GPC5: variants seen among roughly 807,000 people sequenced by gnomAD.
GPC5 encodes the protein glypican-5.
In GPC5, 47 loss-of-function variants were observed where a neutral mutation model predicts 53.9. That is an observed-to-expected ratio of 0.87 (90% CI 0.69 to 1.11). The LOEUF (loss-of-function observed/expected upper bound fraction) is 1.11. Ranked by LOEUF, GPC5 falls within the 50% of genes most tolerant of loss-of-function variation. The pLI is 0.00. For synonymous variants in GPC5, 286 were observed against 263.3 expected, an observed-to-expected ratio of 1.09 and a Z score of -0.84; for missense variants, 748 against 713.1, an observed-to-expected ratio of 1.05 and a Z score of -0.56.
intron 7 of GPC5, among the ~76,000 whole-genome samples, chr13:92,556,490 C>G (rs1323999211): frequency 2.6e-5 from 4 of 151,454 alleles, no homozygotes; most frequent in African/African-American, 9.7e-5. Context: ...TTATTAATAT[C>G]CATGATGTGA....
chr13:92,192,832 CT>C (rs1434780585), intron 7 of GPC5, among the ~76,000 whole-genome samples: 3 of 152,068 alleles, frequency 2.0e-5, no homozygotes, highest in Non-Finnish European at 4.4e-5. Flanking sequence ...TTCATTATTA[CT>C]TTTTTTAAAA....
At chr13:92,286,057 C>A (rs1259399194) in intron 7 of GPC5, among the ~76,000 whole-genome samples, 1 of 151,714 alleles carries the variant, frequency 6.6e-6, no homozygotes, top group Non-Finnish European at 1.5e-5. Context: ...AAAAAAGCAA[C>A]CCCAACAAGT....
intron 3 of GPC5, among the ~76,000 whole-genome samples, chr13:91,724,712 C>T (rs1437877944): frequency 1.3e-5 from 2 of 151,900 alleles, no homozygotes; most frequent in East Asian, 1.9e-4. Flanking sequence ...AAAAAATAAG[C>T]CAGGCATGGT....
chr13:92,287,334 G>A (rs9561003), intron 7 of GPC5, among the ~76,000 whole-genome samples: 44,929 of 151,930 alleles, frequency 0.3, 7,038 homozygotes, highest in South Asian at 0.39. Context: ...TTCATTTTGT[G>A]GTTGTTCTGT....
At chr13:92,552,425 T>C (rs1294110993) in intron 7 of GPC5, among the ~76,000 whole-genome samples, 1 of 151,912 alleles carries the variant, frequency 6.6e-6, no homozygotes, top group African/African-American at 2.4e-5. Flanking sequence ...GAAGAGTCAA[T>C]TTTATATTTG....
chr13:92,560,857 A>ATGTGTGTGTG (rs34114433), intron 7 of GPC5, among the ~76,000 whole-genome samples: 6,227 of 139,134 alleles, frequency 0.045, 178 homozygotes, highest in Non-Finnish European at 0.059. Context: ...AGAAAATTAT[A>ATGTGTGTGTG]TGTGTGTGTG....
chr13:92,044,800 A>G (rs1297731895), intron 6 of GPC5, among the ~76,000 whole-genome samples: 1 of 152,178 alleles, frequency 6.6e-6, no homozygotes, highest in Non-Finnish European at 1.5e-5. Flanking sequence ...AATTCCTAGT[A>G]TTTTCCTAAG....
intron 7 of GPC5, among the ~76,000 whole-genome samples, chr13:92,178,634 T>G (rs111506247): frequency 0.033 from 5,088 of 152,196 alleles, 296 homozygotes; most frequent in African/African-American, 0.12. Context: ...TTGCATCTTT[T>G]GAGTCCAAAC....
At chr13:91,897,438 C>T (rs1196053469) in intron 5 of GPC5, among the ~76,000 whole-genome samples, 1 of 151,752 alleles carries the variant, frequency 6.6e-6, no homozygotes, top group Non-Finnish European at 1.5e-5. Context: ...ATGCCTGGCA[C>T]TTAAGAATCC....
At chr13:92,398,358 G>T (rs1488569802) in intron 7 of GPC5, among the ~76,000 whole-genome samples, 9 of 144,386 alleles carry the variant, frequency 6.2e-5, no homozygotes. Context: ...GAACCCGGGA[G>T]GCGGAGCTTG....
At chr13:92,047,705 T>C (rs2040993952) in intron 6 of GPC5, among the ~76,000 whole-genome samples, 1 of 149,972 alleles carries the variant, frequency 6.7e-6, no homozygotes, top group Non-Finnish European at 1.5e-5. Context: ...AGAAATGACG[T>C]ATTTCCTGTA....
At chr13:92,292,773 A>G (rs967914871) in intron 7 of GPC5, among the ~76,000 whole-genome samples, 3 of 152,080 alleles carry the variant, frequency 2.0e-5, no homozygotes, top group Non-Finnish European at 2.9e-5. Flanking sequence ...TTCCAATGTT[A>G]TATTCTAGAA....
At chr13:91,592,446 G>T (rs1314709564) in intron 2 of GPC5, among the ~76,000 whole-genome samples, 1 of 152,202 alleles carries the variant, frequency 6.6e-6, no homozygotes, top group Non-Finnish European at 1.5e-5. Context: ...GTTCTGGGCT[G>T]GGGTGCTCTT....
chr13:92,796,072 T>C (rs1306898649), intron 7 of GPC5, among the ~76,000 whole-genome samples: 4 of 152,138 alleles, frequency 2.6e-5, no homozygotes, highest in African/African-American at 9.7e-5. Context: ...CGTATGTTTA[T>C]TGTGGCACTG....
At chr13:92,566,956 C>T (rs1882882716) in intron 7 of GPC5, among the ~76,000 whole-genome samples, 1 of 152,074 alleles carries the variant, frequency 6.6e-6, no homozygotes, top group Admixed American at 6.6e-5. Context: ...TTTGATGACA[C>T]ATTGAAATTC....
At chr13:92,085,555 G>A (rs1432404018) in intron 6 of GPC5, among the ~76,000 whole-genome samples, 1 of 151,978 alleles carries the variant, frequency 6.6e-6, no homozygotes, top group Non-Finnish European at 1.5e-5. Flanking sequence ...TGGTGGGGAT[G>A]GTTTCAGAAT....
chr13:92,581,139 T>G (rs1179232770), intron 7 of GPC5, among the ~76,000 whole-genome samples: 1 of 152,138 alleles, frequency 6.6e-6, no homozygotes, highest in Non-Finnish European at 1.5e-5. Context: ...CATTAATTGT[T>G]GTTAACATGG....
intron 7 of GPC5, among the ~76,000 whole-genome samples, chr13:92,466,890 G>A (rs570665354): frequency 6.6e-6 from 1 of 152,234 alleles, no homozygotes; most frequent in African/African-American, 2.4e-5. Flanking sequence ...GAGTATTACT[G>A]CTTCTGAAAA....
intron 5 of GPC5, among the ~76,000 whole-genome samples, chr13:91,758,438 T>G (rs2138646753): frequency 6.6e-6 from 1 of 152,230 alleles, no homozygotes; most frequent in Non-Finnish European, 1.5e-5. Context: ...ATTATCTGAA[T>G]CTACAGCTGC....
Sources: gnomAD v4.1 joint callset for allele counts (sites outside exome capture counted in the v4.1 genomes callset) on GRCh38, gnomAD v4.1.1 for gene constraint, MANE v1.5 for transcripts, NCBI Gene and HGNC (gene_info 2026-07-23, HGNC 2026-07-21) for gene names.